The following ZBTB20 variants were observed in gnomAD, a reference collection of about 807,000 sequenced individuals.
ZBTB20 encodes the protein zinc finger and BTB domain-containing protein 20.
Under a neutral mutation model 56.9 loss-of-function variants are expected in ZBTB20, and 9 were observed. That is an observed-to-expected ratio of 0.16 (90% CI 0.10 to 0.28). ZBTB20 has a LOEUF of 0.28. Ranked by LOEUF, ZBTB20 falls within the 10% of genes least tolerant of loss-of-function variation. ZBTB20 has a pLI of 1.00. For missense variants in ZBTB20, 655 were observed against 1,003.0 expected (o/e 0.65, Z 4.69); for synonymous variants, 417 against 420.7 (o/e 0.99, Z 0.11).
At chr3:115,073,104 C>G (rs558404316) in intron 1 of ZBTB20, among the ~76,000 whole-genome samples, 25 of 152,198 alleles carry the variant, frequency 1.6e-4, no homozygotes, top group African/African-American at 5.5e-4. Context: ...GAAATGAGAA[C>G]TGGAACACAG....
At chr3:115,102,615 GC>G (rs1393460981) in intron 1 of ZBTB20, 1 of 151,832 alleles carries the variant, frequency 6.6e-6, no homozygotes, top group Admixed American at 6.6e-5. Flanking sequence ...GACCATGAAG[GC>G]TCTTTTCTAA....
chr3:114,894,511 G>C (rs1303813987), intron 4 of ZBTB20, among the ~76,000 whole-genome samples: 1 of 152,128 alleles, frequency 6.6e-6, no homozygotes, highest in African/African-American at 2.4e-5. Flanking sequence ...TTCCAAATGT[G>C]ATCTTACTTG....
At chr3:114,377,988 C>A (rs906034174) in intron 10 of ZBTB20, among the ~76,000 whole-genome samples, 2 of 152,050 alleles carry the variant, frequency 1.3e-5, no homozygotes, top group African/African-American at 4.8e-5. Context: ...AAGTCAAGGG[C>A]ACTATTTTTA....
At chr3:114,857,506 GGA>G (rs1553846844) in intron 4 of ZBTB20, among the ~76,000 whole-genome samples, 1 of 152,130 alleles carries the variant, frequency 6.6e-6, no homozygotes, top group Non-Finnish European at 1.5e-5. Flanking sequence ...ACAGGGCTGC[GGA>G]GAGAGGTTAA....
intron 5 of ZBTB20, among the ~76,000 whole-genome samples, chr3:114,720,040 T>C (rs2064802451): frequency 6.6e-6 from 1 of 150,964 alleles, no homozygotes; most frequent in African/African-American, 2.4e-5. Flanking sequence ...AAAGGGAAGA[T>C]ATAGAAATGT....
intron 6 of ZBTB20, among the ~76,000 whole-genome samples, chr3:114,674,017 C>T (rs1227346315): frequency 3.9e-5 from 6 of 151,972 alleles, no homozygotes; most frequent in Admixed American, 6.6e-5. Context: ...TAGAAGATAC[C>T]TTTTCTTCCC....
chr3:114,908,804 A>G (rs1436403679), intron 3 of ZBTB20, among the ~76,000 whole-genome samples: 3 of 151,938 alleles, frequency 2.0e-5, no homozygotes, highest in Non-Finnish European at 4.4e-5. Flanking sequence ...ATTAAAATTA[A>G]TATCTGAAGT....
At chr3:114,542,378 C>A (rs1235539980) in intron 6 of ZBTB20, among the ~76,000 whole-genome samples, 2 of 152,070 alleles carry the variant, frequency 1.3e-5, no homozygotes, top group African/African-American at 4.8e-5. Flanking sequence ...GCCACCTCAA[C>A]CATAACTATA....
chr3:115,016,917 G>C (rs2079988028), intron 2 of ZBTB20, among the ~76,000 whole-genome samples: 1 of 151,592 alleles, frequency 6.6e-6, no homozygotes, highest in Non-Finnish European at 1.5e-5. Context: ...CAAACCCACA[G>C]CCAATATCAT....
chr3:114,589,619 C>T (rs1463909667), intron 6 of ZBTB20, among the ~76,000 whole-genome samples: 1 of 152,226 alleles, frequency 6.6e-6, no homozygotes, highest in Non-Finnish European at 1.5e-5. Context: ...ACCAAGACTA[C>T]AGACTTAAAC....
At chr3:114,462,439 T>A (rs2092373457) in intron 7 of ZBTB20, among the ~76,000 whole-genome samples, 1 of 152,248 alleles carries the variant, frequency 6.6e-6, no homozygotes, top group Non-Finnish European at 1.5e-5. Flanking sequence ...GAATTCTGTA[T>A]GCCAGTGAAA....
chr3:114,568,041 C>A (rs1289897830), intron 6 of ZBTB20, among the ~76,000 whole-genome samples: 2 of 152,220 alleles, frequency 1.3e-5, no homozygotes, highest in East Asian at 3.8e-4. Context: ...TGTCAGCCTT[C>A]TGCAGAGAGG....
chr3:114,445,929 C>A (rs10470388), intron 7 of ZBTB20, among the ~76,000 whole-genome samples: 51,742 of 151,938 alleles, frequency 0.34, 9,698 homozygotes, highest in African/African-American at 0.46. Context: ...TTAAAATATT[C>A]TTTTGCTGTA....
At chr3:114,879,406 A>G (rs1257321135) in intron 4 of ZBTB20, among the ~76,000 whole-genome samples, 3 of 152,174 alleles carry the variant, frequency 2.0e-5, no homozygotes, top group South Asian at 2.1e-4. Flanking sequence ...AAATAATTAG[A>G]CACTGCACTT....
intron 3 of ZBTB20, among the ~76,000 whole-genome samples, chr3:114,938,254 C>CTGTG (rs2076613886): frequency 6.8e-6 from 1 of 146,432 alleles, no homozygotes; most frequent in South Asian, 2.1e-4. Context: ...ATTTCTTTTG[C>CTGTG]TGTGCAGAAA....
At chr3:114,810,807 CG>C (rs961859264) in intron 4 of ZBTB20, among the ~76,000 whole-genome samples, 2 of 151,638 alleles carry the variant, frequency 1.3e-5, no homozygotes, top group Non-Finnish European at 2.9e-5. Flanking sequence ...TGTGGGGTGG[CG>C]GGGGGGAAGT....
intron 5 of ZBTB20, among the ~76,000 whole-genome samples, chr3:114,698,092 C>T (rs1202375005): frequency 6.6e-6 from 1 of 152,056 alleles, no homozygotes; most frequent in Non-Finnish European, 1.5e-5. Flanking sequence ...TATCTGTGAT[C>T]ACCATGGATT....
At chr3:114,356,882 C>G (rs931573978) in intron 10 of ZBTB20, among the ~76,000 whole-genome samples, 9 of 152,126 alleles carry the variant, frequency 5.9e-5, no homozygotes, top group Non-Finnish European at 4.4e-5. Flanking sequence ...TGCACCACCC[C>G]ACTCTCTCTT....
chr3:114,985,206 G>A (rs900222201), intron 2 of ZBTB20, among the ~76,000 whole-genome samples: 1 of 152,044 alleles, frequency 6.6e-6, no homozygotes, highest in African/African-American at 2.4e-5. Context: ...TTGCCCCTAG[G>A]TGTCATGCCT....
Sources: gnomAD v4.1 joint callset for allele counts (sites outside exome capture counted in the v4.1 genomes callset) on GRCh38, gnomAD v4.1.1 for gene constraint, MANE v1.5 for transcripts, NCBI Gene and HGNC (gene_info 2026-07-23, HGNC 2026-07-21) for gene names.